The following NF2 variants were observed in gnomAD, a reference collection of about 807,000 sequenced individuals.
NF2 encodes NF2, moesin-ezrin-radixin like (MERLIN) tumor suppressor.
Under a neutral mutation model 83.7 loss-of-function variants are expected in NF2, and 8 were observed. The observed-to-expected ratio is 0.10, with a 90% CI of 0.06 to 0.17. The LOEUF (loss-of-function observed/expected upper bound fraction) is 0.17, where lower values mean the gene tolerates loss of function less well. Among genes scored for constraint, NF2 ranks in the 10% least tolerant of loss-of-function variants. NF2 has a pLI of 1.00. For synonymous variants in NF2, 266 were observed against 269.6 expected (o/e 0.99, Z 0.13); for missense variants, 533 against 744.4 (o/e 0.72, Z 3.31).
intron 7 of NF2, among the ~76,000 whole-genome samples, chr22:29,660,536 T>A (rs1480474621): frequency 6.6e-6 from 1 of 152,178 alleles, no homozygotes; most frequent in East Asian, 1.9e-4. Context: ...CAACAATGGT[T>A]TCTTTAAATA....
At chr22:29,639,881 CAAAAAA>C (rs763315832) in intron 3 of NF2, among the ~76,000 whole-genome samples, 5 of 21,188 alleles carry the variant, frequency 2.4e-4, no homozygotes, top group Non-Finnish European at 4.8e-4. Context: ...GGTTCCGTCT[CAAAAAA>C]AAAAAAAAAA....
At chr22:29,691,848 A>G (rs1258685557) in intron 15 of NF2, among the ~76,000 whole-genome samples, 1 of 152,204 alleles carries the variant, frequency 6.6e-6, no homozygotes, top group African/African-American at 2.4e-5. Context: ...ACCTGCAGGA[A>G]AGAAGCTCAA....
chr22:29,689,134 G>A (rs1277489647), intron 15 of NF2, among the ~76,000 whole-genome samples: 1 of 139,786 alleles, frequency 7.2e-6, no homozygotes, highest in African/African-American at 2.7e-5. Context: ...AGCGGAGATC[G>A]CGCCACTGCA....
chr22:29,685,538 G>C (rs1257218488), intron 15 of NF2, among the ~76,000 whole-genome samples: 1 of 151,880 alleles, frequency 6.6e-6, no homozygotes, highest in East Asian at 1.9e-4. Context: ...CTCCCAAGTA[G>C]CTGGGACTAC....
At chr22:29,604,227 C>G in intron 1 of NF2, 115 bp downstream of exon 1, 1 of 836,354 alleles carries the variant, frequency 1.2e-6, no homozygotes, top group Non-Finnish European at 2.0e-6. Context: ...GAAGGGCCAA[C>G]TAGGCCCAAA....
chr22:29,606,345 T>C (rs1295861489), intron 1 of NF2, among the ~76,000 whole-genome samples: 1 of 152,230 alleles, frequency 6.6e-6, no homozygotes, highest in Non-Finnish European at 1.5e-5. Flanking sequence ...GGTGCCCCAA[T>C]TGCTCATCCC....
chr22:29,679,268 A>C (rs2067057813), intron 14 of NF2, among the ~76,000 whole-genome samples: 1 of 151,988 alleles, frequency 6.6e-6, no homozygotes, highest in South Asian at 2.1e-4. Flanking sequence ...CCTCAGGAAA[A>C]CCCTTTGGGG....
intron 1 of NF2, among the ~76,000 whole-genome samples, chr22:29,632,075 T>C (rs573223456): frequency 1.3e-5 from 2 of 152,380 alleles, no homozygotes; most frequent in African/African-American, 4.8e-5. Context: ...CAGATAACTT[T>C]CTGTGTTTTT....
rs1026655770 is a variant in NF2 at position 29,673,355 on chromosome 22, A to C, written c.1209A>C (p.Ala403=). Reference sequence around the variant, plus strand: ...CAAAACTTCTGGCCCAGAAGGCCGCAGAGGCTGAGCAGGAAATGCAGCGCA... The same window carrying C: ...CAAAACTTCTGGCCCAGAAGGCCGCCGAGGCTGAGCAGGAAATGCAGCGCA... ...EEAKLLAQKA[A]EAEQEMQRIK... The change falls in exon 12 of 16, where the codon GCA becomes GCC. Residue 403 remains alanine, a synonymous_variant. Transcript: ENST00000338641. The C allele has an allele frequency of 1.2e-6, 2 of 1,607,664 alleles. No individual in the cohort carries two copies. The highest frequency in any genetic ancestry group is 2.7e-5 in the African/African-American group (2 of 74,924).
At chr22:29,635,505 A>T (rs1396692622) in intron 1 of NF2, among the ~76,000 whole-genome samples, 1 of 151,686 alleles carries the variant, frequency 6.6e-6, no homozygotes, top group Non-Finnish European at 1.5e-5. Context: ...ATTTTTTAGT[A>T]TTTTACTAGA....
At chr22:29,613,688 G>T (rs182408309) in intron 1 of NF2, among the ~76,000 whole-genome samples, 3 of 152,256 alleles carry the variant, frequency 2.0e-5, no homozygotes, top group African/African-American at 7.2e-5. Context: ...CATTCAGTGG[G>T]GGAGAACTGT....
intron 8 of NF2, among the ~76,000 whole-genome samples, chr22:29,663,906 G>A (rs1163172343): frequency 6.6e-6 from 1 of 152,170 alleles, no homozygotes; most frequent in African/African-American, 2.4e-5. Flanking sequence ...CCTGCTAGTG[G>A]TCTAACCCTA....
At chr22:29,634,040 C>T (rs905304559) in intron 1 of NF2, among the ~76,000 whole-genome samples, 1 of 152,110 alleles carries the variant, frequency 6.6e-6, no homozygotes, top group Non-Finnish European at 1.5e-5. Context: ...CTGGGGAGTG[C>T]TGGACAGCAA....
At chr22:29,644,756 C>CA (rs916175665) in intron 4 of NF2, among the ~76,000 whole-genome samples, 3 of 152,140 alleles carry the variant, frequency 2.0e-5, no homozygotes, top group African/African-American at 7.2e-5. Flanking sequence ...CCGTCTCCAC[C>CA]AAAAAAATAC....
At chr22:29,665,755 G>GAAAA (rs555450815) in intron 9 of NF2, among the ~76,000 whole-genome samples, 2 of 104,934 alleles carry the variant, frequency 1.9e-5, no homozygotes, top group South Asian at 2.9e-4. Context: ...ACAAGGTCAG[G>GAAAA]AAAAAAAAAA....
At chr22:29,613,671 C>T (rs2065010750) in intron 1 of NF2, among the ~76,000 whole-genome samples, 1 of 152,106 alleles carries the variant, frequency 6.6e-6, no homozygotes, top group Non-Finnish European at 1.5e-5. Context: ...GACAAGGGTG[C>T]AAAGACCATT....
At chr22:29,683,065 G>A (rs775544030) in intron 15 of NF2, 2 of 1,614,238 alleles carry the variant, frequency 1.2e-6, no homozygotes, top group Non-Finnish European at 1.7e-6. Flanking sequence ...AGCCCTCAAA[G>A]TAGGTTGTTC....
chr22:29,695,776 C>G lies in NF2; in HGVS notation c.*974C>G, dbSNP rs8140096. 4.3e-6 allele frequency: 1 copy of G among 233,876 alleles called. No individual in the cohort carries two copies. The highest frequency in any genetic ancestry group is 8.4e-6 in the Non-Finnish European group (1 of 118,530). The allele number at this position is 233,876 out of a possible 1,614,324, so 14.5% of individuals were successfully genotyped here. ...AGTCTGCACGGCCCATCTGCTTCACCTTCCCTCCCAGCCACGTGCCAGTGG... is the reference window on the plus strand; with the variant it reads ...AGTCTGCACGGCCCATCTGCTTCACGTTCCCTCCCAGCCACGTGCCAGTGG... On this transcript the variant is annotated 3_prime_UTR_variant, in exon 16 of 16. Transcript: ENST00000338641. The surrounding 1 kb of genome is among the most constrained non-coding windows in gnomAD (Gnocchi z 5.4).
At position 29,650,403 on chromosome 22, in the gene NF2, T is replaced by A. The variant is rs145039074; in HGVS notation, c.448-4254T>A. ...GAAAAAGATTTTTTAAAATTTGCATTTCCTTGATTGCTATTGGGACTGAAC... is the reference window on the plus strand; with the variant it reads ...GAAAAAGATTTTTTAAAATTTGCATATCCTTGATTGCTATTGGGACTGAAC... On this transcript the variant is annotated intron_variant, in intron 4 of 15. Transcript: ENST00000338641. Among the ~76,000 whole-genome samples the A allele has an allele frequency of 2.4e-3, 364 of 152,308 alleles. 4 individuals carry two copies. The highest frequency in any genetic ancestry group is 8.1e-3 in the African/African-American group (336 of 41,566).
Sources: gnomAD v4.1 joint callset for allele counts (sites outside exome capture counted in the v4.1 genomes callset) on GRCh38, gnomAD v4.1.1 for gene constraint, Gnocchi (gnomAD v3.1) non-coding constraint, MANE v1.5 for transcripts, NCBI Gene and HGNC (gene_info 2026-07-23, HGNC 2026-07-21) for gene names.